EXOC4: variants seen among roughly 807,000 people sequenced by gnomAD.
The protein encoded by EXOC4 is exocyst complex component 4, also known as SEC8-like 1.
EXOC4 carries 71 observed loss-of-function variants against 107.2 expected under a neutral mutation model. That is an observed-to-expected ratio of 0.66 (90% CI 0.55 to 0.81). The LOEUF is 0.81. Ranked by LOEUF, EXOC4 falls within the 30% of genes least tolerant of loss-of-function variation. EXOC4 has a pLI of 0.00. For missense variants in EXOC4, 1,108 were observed against 1,189.6 expected (o/e 0.93, Z 1.01); for synonymous variants, 456 against 441.2 (o/e 1.03, Z -0.42).
In EXOC4 at chr7:133,305,886, G is replaced by T. The variant is rs146409877; in HGVS notation, c.481G>T (p.Val161Phe). The change falls in exon 4 of 18, where the codon GTT becomes TTT. Residue 161 changes from valine (V) to phenylalanine (F), a missense_variant. Physicochemically the swap from Val to Phe is conservative, Grantham distance 50. Coordinates refer to ENST00000253861, the MANE Select transcript of EXOC4 (RefSeq NM_021807.4). The part of the protein sequence containing the change: ...LSATDMLVSA[V>F]ESLEGPLLQV... ...TTTTTTCTCTTTTCAGGTGTCAGCA[G>T]TTGAGTCTTTGGAGGGCCCCCTGCT... is the stretch of plus-strand genomic sequence containing the variant. 5 of 1,603,998 alleles carry T rather than the reference G, an allele frequency of 3.1e-6. No individual in the cohort carries two copies. Among genetic ancestry groups the T allele is most frequent in the Non-Finnish European group, 4.3e-6 (5 of 1,175,814 alleles).
At chr7:133,723,540 G>T (rs934040142) in intron 10 of EXOC4, among the ~76,000 whole-genome samples, 3 of 152,060 alleles carry the variant, frequency 2.0e-5, no homozygotes, top group African/African-American at 7.3e-5. Flanking sequence ...GCCCAGGCTG[G>T]AGTGCAATGG....
At chr7:133,322,063 G>A (rs1295941039) in intron 5 of EXOC4, among the ~76,000 whole-genome samples, 1 of 152,258 alleles carries the variant, frequency 6.6e-6, no homozygotes, top group South Asian at 2.1e-4. Context: ...TTTTGATGGG[G>A]TTGTTTGTTT....
chr7:134,051,306 G>A (rs1483314857), intron 17 of EXOC4, among the ~76,000 whole-genome samples: 3 of 152,362 alleles, frequency 2.0e-5, no homozygotes, highest in Non-Finnish European at 2.9e-5. Flanking sequence ...AACACCTGCA[G>A]CAGGCAGACA....
At chr7:133,656,215 G>T (rs189364330) in intron 10 of EXOC4, among the ~76,000 whole-genome samples, 1 of 152,130 alleles carries the variant, frequency 6.6e-6, no homozygotes, top group Admixed American at 6.6e-5. Context: ...AATTATTAAG[G>T]TTTAAATTTG....
chr7:133,591,206 A>C (rs1801534523), intron 9 of EXOC4, among the ~76,000 whole-genome samples: 1 of 151,802 alleles, frequency 6.6e-6, no homozygotes, highest in Non-Finnish European at 1.5e-5. Flanking sequence ...AATTTTTAAA[A>C]TTTTTTTTGG....
intron 7 of EXOC4, among the ~76,000 whole-genome samples, chr7:133,410,517 G>C (rs1029620173): frequency 2.0e-5 from 3 of 152,012 alleles, no homozygotes; most frequent in Admixed American, 2.0e-4. Flanking sequence ...CACCTGAGGG[G>C]TTATTTCATT....
chr7:133,630,072 G>A lies in EXOC4; in HGVS notation c.1445G>A (p.Gly482Asp). ...QGGPDDNLIE[G>D]GGTKFVCKPG... ...GGTCCTGATGACAACTTAATTGAAG[G>A]TGGAGGAACAAAATTTGTCTGCAAA... The change falls in exon 10 of 18, where the codon GGT (glycine) becomes GAT (aspartate). Residue 482 changes from glycine to aspartate, a missense_variant. By Grantham distance (94) the Gly-to-Asp change is moderately conservative. Coordinates refer to ENST00000253861, the MANE Select transcript of EXOC4 (RefSeq NM_021807.4). The A allele has an allele frequency of 1.2e-6, 2 of 1,613,804 alleles. No homozygotes were observed. Among genetic ancestry groups the A allele is most frequent in the Non-Finnish European group, 1.7e-6 (2 of 1,179,828 alleles).
chr7:133,527,127 G>A (rs1235985776), intron 9 of EXOC4, among the ~76,000 whole-genome samples: 1 of 151,992 alleles, frequency 6.6e-6, no homozygotes, highest in Non-Finnish European at 1.5e-5. Flanking sequence ...TATTTAGCTG[G>A]GCCCAGTGGT....
chr7:133,906,164 A>T (rs1799561697), intron 12 of EXOC4, among the ~76,000 whole-genome samples: 1 of 152,174 alleles, frequency 6.6e-6, no homozygotes, highest in Non-Finnish European at 1.5e-5. Flanking sequence ...TGTGCTAAAT[A>T]GCACAGACTA....
At chr7:133,429,208 T>C (rs1335659252) in intron 7 of EXOC4, among the ~76,000 whole-genome samples, 1 of 152,176 alleles carries the variant, frequency 6.6e-6, no homozygotes, top group Non-Finnish European at 1.5e-5. Context: ...GAAACATGAC[T>C]TTTAATTTTT....
chr7:133,449,261 G>T (rs1798286685), intron 7 of EXOC4, among the ~76,000 whole-genome samples: 1 of 152,146 alleles, frequency 6.6e-6, no homozygotes, highest in Non-Finnish European at 1.5e-5. Flanking sequence ...CTAGGAAAAG[G>T]CAAGGAAGAC....
At position 133,338,879 on chromosome 7, in the gene EXOC4, A is replaced by C. The variant is rs537526471; in HGVS notation, c.764-17451A>C. Among the ~76,000 whole-genome samples the C allele has an allele frequency of 6.6e-4, 98 of 149,144 alleles. 4 individuals carry two copies. In the South Asian group the frequency reaches 0.021, roughly 31 times the overall value. The stretch of plus-strand genomic sequence containing the variant: ...GTGATTCTCCTGCCTCAGCCTCCTG[A>C]GTATCTGGGATCACAGGCATGCACC... On this transcript the variant is annotated intron_variant, in intron 5 of 17. Coordinates refer to ENST00000253861, the MANE Select transcript of EXOC4 (RefSeq NM_021807.4).
intron 9 of EXOC4, among the ~76,000 whole-genome samples, chr7:133,534,650 C>G (rs1800240422): frequency 6.6e-6 from 1 of 152,178 alleles, no homozygotes; most frequent in South Asian, 2.1e-4. Context: ...CACTCGCATA[C>G]ACATACATAG....
intron 9 of EXOC4, among the ~76,000 whole-genome samples, chr7:133,494,552 C>A (rs1055504934): frequency 1.3e-5 from 2 of 152,196 alleles, no homozygotes; most frequent in Non-Finnish European, 2.9e-5. Flanking sequence ...AACTCCATAT[C>A]CACTTAAATA....
At chr7:133,903,985 T>G (rs6974386) in intron 12 of EXOC4, among the ~76,000 whole-genome samples, 3 of 151,606 alleles carry the variant, frequency 2.0e-5, no homozygotes, top group Non-Finnish European at 2.9e-5. Context: ...TAAATGTAAA[T>G]GTTTTTGTGG....
chr7:133,676,584 T>TAGC (rs1794062099), intron 10 of EXOC4, among the ~76,000 whole-genome samples: 1 of 152,296 alleles, frequency 6.6e-6, no homozygotes, highest in South Asian at 2.1e-4. Context: ...TGAGAGGATC[T>TAGC]AGCATGTACA....
At chr7:133,299,635 G>A (rs1341348433) in intron 3 of EXOC4, among the ~76,000 whole-genome samples, 4 of 152,100 alleles carry the variant, frequency 2.6e-5, no homozygotes, top group Non-Finnish European at 5.9e-5. Flanking sequence ...TCCTGTTTTC[G>A]AGTTTTATTT....
chr7:133,718,894 G>A (rs753315725), intron 10 of EXOC4, among the ~76,000 whole-genome samples: 4 of 152,090 alleles, frequency 2.6e-5, no homozygotes, highest in Non-Finnish European at 5.9e-5. Context: ...CTCATTCTAG[G>A]GAGAATAGAC....
At chr7:133,337,089 A>G (rs1483283431) in intron 5 of EXOC4, among the ~76,000 whole-genome samples, 1 of 152,112 alleles carries the variant, frequency 6.6e-6, no homozygotes, top group African/African-American at 2.4e-5. Context: ...TAGTATTTAG[A>G]CAATTTTTCA....
Sources: gnomAD v4.1 joint callset for allele counts (sites outside exome capture counted in the v4.1 genomes callset) on GRCh38, gnomAD v4.1.1 for gene constraint, MANE v1.5 for transcripts, NCBI Gene and HGNC (gene_info 2026-07-23, HGNC 2026-07-21) for gene names.